Variants in BICC1 observed in about 807,000 individuals in gnomAD.
BICC1 encodes BicC family RNA binding protein 1, also known as protein bicaudal C homolog 1.
A neutral mutation model predicts 111.0 loss-of-function variants in BICC1; 43 were observed. That is an observed-to-expected ratio of 0.39 (90% CI 0.30 to 0.50). The LOEUF is 0.50. Among genes scored for constraint, BICC1 ranks in the 20% least tolerant of loss-of-function variants. The pLI is 0.88. For synonymous variants in BICC1, 467 were observed against 434.4 expected, an observed-to-expected ratio of 1.07 and a Z score of -0.93; for missense variants, 1,091 against 1,203.2, an observed-to-expected ratio of 0.91 and a Z score of 1.38.
chr10:58,703,357 A>G (rs1357505670), intron 3 of BICC1, among the ~76,000 whole-genome samples: 1 of 151,782 alleles, frequency 6.6e-6, no homozygotes, highest in Non-Finnish European at 1.5e-5. Flanking sequence ...ATGGAGTTTC[A>G]CTATATGTTG....
intron 20 of BICC1, chr10:58,823,727 T>G: frequency 6.1e-6 from 6 of 985,370 alleles, no homozygotes; most frequent in Non-Finnish European, 7.2e-6. Context: ...TTGTATGTTA[T>G]TCCCCCGTGA....
intron 1 of BICC1, among the ~76,000 whole-genome samples, chr10:58,556,830 T>G (rs1234574172): frequency 6.6e-6 from 1 of 152,084 alleles, no homozygotes; most frequent in African/African-American, 2.4e-5. Flanking sequence ...GGCTTCCATT[T>G]AAAAAGAATT....
chr10:58,667,514 TG>T (rs58593282), intron 2 of BICC1, among the ~76,000 whole-genome samples: 152,099 of 152,104 alleles, frequency 1, 76,047 homozygotes, highest in Middle Eastern at 1. Context: ...TTCAAAGGTC[TG>T]GATGGTGTTA....
intron 2 of BICC1, among the ~76,000 whole-genome samples, chr10:58,685,861 T>C (rs1052122233): frequency 1.3e-5 from 2 of 152,216 alleles, no homozygotes; most frequent in African/African-American, 4.8e-5. Context: ...TTAGCACATT[T>C]ACATTTAAGG....
chr10:58,780,588 G>T (rs1393902447), intron 3 of BICC1, among the ~76,000 whole-genome samples: 1 of 152,096 alleles, frequency 6.6e-6, no homozygotes, highest in African/African-American at 2.4e-5. Context: ...AGTATTTTCT[G>T]CAGATTTTGC....
chr10:58,756,672 C>T (rs1842157871), intron 3 of BICC1, among the ~76,000 whole-genome samples: 1 of 140,788 alleles, frequency 7.1e-6, no homozygotes, highest in Non-Finnish European at 1.5e-5. Context: ...AGAGTCTTCT[C>T]CTTAGCAACT....
chr10:58,789,412 A>G lies in BICC1; in HGVS notation c.751A>G (p.Thr251Ala). ...FKQRSRMYGA[T>A]VIVRGSQNNT... ...ACAGCGTTCCCGAATGTATGGTGCT[A>G]CTGTCATAGTACGAGGGTCTCAGAA... is the stretch of plus-strand genomic sequence containing the variant. The change falls in exon 7 of 21, where the codon ACT (threonine) becomes GCT (alanine). Residue 251 changes from threonine (T) to alanine (A), a missense_variant. By Grantham distance (58) the Thr-to-Ala change is moderately conservative. Coordinates refer to ENST00000373886, the MANE Select transcript of BICC1 (RefSeq NM_001080512.3). 1 of 1,614,110 alleles carries G rather than the reference A, an allele frequency of 6.2e-7. No individual in the cohort carries two copies. The highest frequency in any genetic ancestry group is 8.5e-7 in the Non-Finnish European group (1 of 1,179,972).
rs1202092341 is a variant in BICC1 at position 58,789,812 on chromosome 10, A to G, written c.926A>G (p.His309Arg). ...MMGRNGSNIKHIMQRTGAQIH... is the reference protein window; with the variant it reads ...MMGRNGSNIKRIMQRTGAQIH... ...GGTCGAAATGGGAGCAACATCAAAC[A>G]TATCATGCAGAGAACAGGTGCTCAG... Residue 309 changes from histidine to arginine, a missense_variant, in exon 8 of 21, where the codon CAT becomes CGT. By Grantham distance (29) the His-to-Arg change is conservative. Transcript: ENST00000373886. The G allele has an allele frequency of 5.0e-6, 8 of 1,614,158 alleles. No homozygotes were observed. The highest frequency in any genetic ancestry group is 6.8e-6 in the Non-Finnish European group (8 of 1,180,022).
chr10:58,707,981 G>A (rs1198492209), intron 3 of BICC1, among the ~76,000 whole-genome samples: 2 of 150,432 alleles, frequency 1.3e-5, no homozygotes, highest in East Asian at 2.0e-4. Flanking sequence ...ACAGGTGTGA[G>A]CCACCGCGCC....
intron 1 of BICC1, among the ~76,000 whole-genome samples, chr10:58,597,069 G>T (rs1269620525): frequency 6.6e-6 from 1 of 152,080 alleles, no homozygotes; most frequent in East Asian, 1.9e-4. Context: ...ACTATTGGGG[G>T]AACCCACCCC....
At chr10:58,745,309 A>G (rs1841797616) in intron 3 of BICC1, among the ~76,000 whole-genome samples, 2 of 152,124 alleles carry the variant, frequency 1.3e-5, no homozygotes, top group Non-Finnish European at 2.9e-5. Context: ...CAAGTTAATA[A>G]CTTGTCACAG....
At chr10:58,574,371 T>TA (rs1171574228) in intron 1 of BICC1, among the ~76,000 whole-genome samples, 10 of 152,266 alleles carry the variant, frequency 6.6e-5, no homozygotes, top group African/African-American at 2.2e-4. Context: ...GACACGTGGC[T>TA]ACCAGAGAAC....
chr10:58,523,039 C>A (rs189386123), intron 1 of BICC1, among the ~76,000 whole-genome samples: 64 of 152,154 alleles, frequency 4.2e-4, no homozygotes, highest in Admixed American at 7.9e-4. Context: ...CAATAACAGG[C>A]TCTGAAATTG....
At chr10:58,737,319 A>G (rs1017584588) in intron 3 of BICC1, among the ~76,000 whole-genome samples, 11 of 151,934 alleles carry the variant, frequency 7.2e-5, no homozygotes, top group South Asian at 2.1e-4. Context: ...TCATTGTTCA[A>G]TCCCCACCTA....
intron 2 of BICC1, among the ~76,000 whole-genome samples, chr10:58,676,885 C>T (rs926831807): frequency 1.3e-5 from 2 of 152,168 alleles, no homozygotes; most frequent in Non-Finnish European, 1.5e-5. Flanking sequence ...CTGCAGCCTC[C>T]GCTGGTGATA....
chr10:58,789,102 A>AG (rs1564614153), intron 6 of BICC1, among the ~76,000 whole-genome samples, 160 bp from the exon 7 acceptor site: 1 of 152,018 alleles, frequency 6.6e-6, no homozygotes, highest in Non-Finnish European at 1.5e-5. Flanking sequence ...AAAAACAGAA[A>AG]GGAAAAAAAA....
intron 2 of BICC1, among the ~76,000 whole-genome samples, chr10:58,654,635 C>T (rs1482964209): frequency 1.2e-5 from 1 of 85,170 alleles, no homozygotes; most frequent in Non-Finnish European, 2.5e-5. Context: ...TGTAGGTTGC[C>T]TGTTCACTCT....
At chr10:58,570,313 C>T (rs1843908132) in intron 1 of BICC1, among the ~76,000 whole-genome samples, 1 of 152,150 alleles carries the variant, frequency 6.6e-6, no homozygotes. Flanking sequence ...AAGGTTATCT[C>T]CTATTTTGCC....
chr10:58,778,907 A>G (rs1842815308), intron 3 of BICC1, among the ~76,000 whole-genome samples: 1 of 152,228 alleles, frequency 6.6e-6, no homozygotes, highest in Admixed American at 6.5e-5. Context: ...TCTGGAATCC[A>G]TCTCACTGGC....
Sources: gnomAD v4.1 joint callset for allele counts (sites outside exome capture counted in the v4.1 genomes callset) on GRCh38, gnomAD v4.1.1 for gene constraint, MANE v1.5 for transcripts, NCBI Gene and HGNC (gene_info 2026-07-23, HGNC 2026-07-21) for gene names.